MYH13: variants seen among roughly 807,000 people sequenced by gnomAD.
MYH13 encodes myosin-13.
In MYH13, 177 loss-of-function variants were observed where a neutral mutation model predicts 232.1. That is an observed-to-expected ratio of 0.76 (90% CI 0.67 to 0.86). The LOEUF (loss-of-function observed/expected upper bound fraction) is 0.86, where lower values mean the gene tolerates loss of function less well. Ranked by LOEUF, MYH13 falls within the 40% of genes least tolerant of loss-of-function variation. The pLI is 0.00. For missense variants in MYH13, 2,246 were observed against 2,405.9 expected (o/e 0.93, Z 1.39); for synonymous variants, 884 against 923.5 (o/e 0.96, Z 0.78).
At chr17:10,301,430 T>A (rs1393146756) in intron 40 of MYH13, 139 bp downstream of exon 40, 1 of 1,316,016 alleles carries the variant, frequency 7.6e-7, no homozygotes, top group Non-Finnish European at 1.1e-6. Flanking sequence ...ACATCTCAGG[T>A]ACCTGCTCTT....
chr17:10,329,552 G>A (rs1210725864), intron 21 of MYH13, among the ~76,000 whole-genome samples: 1 of 152,186 alleles, frequency 6.6e-6, no homozygotes, highest in Non-Finnish European at 1.5e-5. Context: ...ATGACAGGGT[G>A]CAGCCTGGGT....
intron 2 of MYH13, among the ~76,000 whole-genome samples, chr17:10,370,500 T>G (rs971831143): frequency 1.3e-5 from 2 of 152,282 alleles, no homozygotes; most frequent in Admixed American, 6.5e-5. Context: ...ACCACTCTGT[T>G]CCTGTCTTTA....
chr17:10,301,036 G>T, intron 40 of MYH13, 71 bp from the exon 41 acceptor site: 1 of 1,386,082 alleles, frequency 7.2e-7, no homozygotes, highest in Non-Finnish European at 1.0e-6. Context: ...TCATCTTGAA[G>T]TGAAGCAGCT....
chr17:10,356,885 T>A (rs1597388574), intron 8 of MYH13, among the ~76,000 whole-genome samples: 2 of 152,232 alleles, frequency 1.3e-5, no homozygotes, highest in East Asian at 3.8e-4. Flanking sequence ...AATGTCTTTT[T>A]GATTAAGCCA....
At position 10,312,724 on chromosome 17, in the gene MYH13, C is replaced by T; in HGVS notation, c.4215G>A (p.Glu1405=). 1 of 1,613,544 alleles carries T rather than the reference C, an allele frequency of 6.2e-7. No homozygotes were observed. The highest frequency in any genetic ancestry group is 1.1e-5 in the South Asian group (1 of 90,926). ...KKLAQRLQEA[E]ENTETANSKC... ...TGGAGTTCGCCGTCTCCGTGTTCTC[C>T]TCTGCTTCCTGGAGCCTCTGGGCCA... The change falls in exon 31 of 41, where the codon GAG becomes GAA. Residue 1405 remains glutamate (E), a synonymous_variant. Transcript: ENST00000252172.
At chr17:10,338,080 T>C (rs2071590082) in intron 18 of MYH13, among the ~76,000 whole-genome samples, 1 of 151,938 alleles carries the variant, frequency 6.6e-6, no homozygotes, top group Admixed American at 6.6e-5. Context: ...AGCCAGTGGA[T>C]TACCAAAAGC....
At chr17:10,309,151 G>C in intron 35 of MYH13, 83 bp downstream of exon 35, 1 of 1,387,276 alleles carries the variant, frequency 7.2e-7, no homozygotes, top group Non-Finnish European at 9.7e-7. Context: ...CTGAGTGGAG[G>C]GATAGCGGAA....
At chr17:10,318,334 G>A (rs966514562) in intron 27 of MYH13, among the ~76,000 whole-genome samples, 3 of 152,182 alleles carry the variant, frequency 2.0e-5, no homozygotes, top group African/African-American at 7.2e-5. Flanking sequence ...CAGTCCAGTG[G>A]TGTTGGGGGG....
At chr17:10,366,671 A>G (rs951921867) in intron 2 of MYH13, among the ~76,000 whole-genome samples, 15 of 152,120 alleles carry the variant, frequency 9.9e-5, no homozygotes, top group African/African-American at 3.1e-4. Flanking sequence ...GTAAGCCTCC[A>G]TGCCCCGCCT....
At chr17:10,362,000 A>G (rs994096392) in intron 5 of MYH13, 118 bp downstream of exon 5, 2 of 1,586,050 alleles carry the variant, frequency 1.3e-6, no homozygotes, top group South Asian at 1.1e-5. Flanking sequence ...TCCCCAAATC[A>G]TCTGACTCTC....
chr17:10,329,438 C>T (rs1477763537), intron 21 of MYH13, among the ~76,000 whole-genome samples: 1 of 152,272 alleles, frequency 6.6e-6, no homozygotes, highest in African/African-American at 2.4e-5. Flanking sequence ...TTCTACCACA[C>T]TGTGGCCTTG....
chr17:10,345,269 T>G lies in MYH13; in HGVS notation c.1517A>C (p.Glu506Ala), dbSNP rs776365416. 1.2e-6 allele frequency: 2 copies of G among 1,614,204 alleles called. No homozygotes were observed. Among genetic ancestry groups the G allele is most frequent in the Non-Finnish European group, 1.7e-6 (2 of 1,180,034 alleles). The change falls in exon 15 of 41, where the codon GAA becomes GCA. Residue 506 changes from glutamate to alanine, a missense_variant. Coordinates refer to ENST00000252172, the MANE Select transcript of MYH13 (RefSeq NM_003802.3). Reference protein sequence around the residue: ...FVLEQEEYKKEGIEWEFIDFG... With the variant: ...FVLEQEEYKKAGIEWEFIDFG... The stretch of plus-strand genomic sequence containing the variant: ...GTCAATGAACTCCCACTCGATGCCT[T>G]CCTTCTTGTACTCTTCCTGCTCCAG...
rs778534578 is a variant in MYH13 at position 10,321,715 on chromosome 17, C to T, written c.2935-7G>A. 1.9e-6 allele frequency: 3 copies of T among 1,608,872 alleles called. No homozygotes were observed. The highest frequency in any genetic ancestry group is 2.5e-6 in the Non-Finnish European group (3 of 1,176,866). On this transcript the variant is annotated splice_polypyrimidine_tract_variant and splice_region_variant and intron_variant, in intron 23 of 40. Coordinates refer to ENST00000252172, the MANE Select transcript of MYH13 (RefSeq NM_003802.3). Reference sequence around the variant, plus strand: ...CTTCGGAAAGATTCTTTACCTGGGACAATATTAACACCGATTTAATATGGA... The same window carrying T: ...CTTCGGAAAGATTCTTTACCTGGGATAATATTAACACCGATTTAATATGGA...
chr17:10,317,869 TA>T (rs1906773301), intron 27 of MYH13: 1 of 152,232 alleles, frequency 6.6e-6, no homozygotes, highest in Non-Finnish European at 1.5e-5. Context: ...GTCTTCAAGG[TA>T]ACCTGCGACT....
At position 10,312,656 on chromosome 17, in the gene MYH13, T is replaced by C; in HGVS notation, c.4283A>G (p.Glu1428Gly). The change falls in exon 31 of 41, where the codon GAG becomes GGG. Residue 1428 changes from glutamate to glycine, a missense_variant. Coordinates refer to ENST00000252172, the MANE Select transcript of MYH13 (RefSeq NM_003802.3). The part of the protein sequence containing the change: ...LEKTKQRLQG[E>G]VEDLMRDLER... ...CAGATCCCGCATCAGATCCTCCACC[T>C]CTCCCTGCAGCCTCTGCTTGGTTTT... The C allele has an allele frequency of 6.2e-7, 1 of 1,613,354 alleles. No individual in the cohort carries two copies. The highest frequency in any genetic ancestry group is 1.1e-5 in the South Asian group (1 of 90,854).
At chr17:10,351,040 C>T (rs9893067) in intron 11 of MYH13, among the ~76,000 whole-genome samples, 97,514 of 151,160 alleles carry the variant, frequency 0.65, 32,063 homozygotes, top group East Asian at 0.78. Context: ...GCCAACATGG[C>T]GACGCTCCAT....
intron 35 of MYH13, among the ~76,000 whole-genome samples, chr17:10,307,288 T>C (rs1206307018): frequency 6.6e-6 from 1 of 152,182 alleles, no homozygotes; most frequent in East Asian, 1.9e-4. Context: ...ATTCAGTAAA[T>C]GATAAAAGTA....
intron 5 of MYH13, among the ~76,000 whole-genome samples, chr17:10,361,350 G>C (rs1192243498): frequency 4.0e-5 from 6 of 149,344 alleles, no homozygotes; most frequent in Admixed American, 2.7e-4. Context: ...GAAGTGCAGT[G>C]GCGAGATCTC....
In MYH13 at chr17:10,324,089, C is replaced by G; in HGVS notation, c.2867G>C (p.Arg956Thr). 7.4e-6 allele frequency: 12 copies of G among 1,613,992 alleles called. No homozygotes were observed. The highest frequency in any genetic ancestry group is 1.0e-5 in the Non-Finnish European group (12 of 1,179,942). ...GGTCAGCTCCAGGTCATCAATGTCT[C>G]TCTTGAGAGAGGAGCATTTATCTTC... Reference protein sequence around the residue: ...NLEDKCSSLKRDIDDLELTLT... With the variant: ...NLEDKCSSLKTDIDDLELTLT... The change falls in exon 23 of 41, where the codon AGA becomes ACA. Residue 956 changes from arginine (R) to threonine (T), a missense_variant. Coordinates refer to ENST00000252172, the MANE Select transcript of MYH13 (RefSeq NM_003802.3).
Sources: allele counts gnomAD v4.1 joint callset (sites outside exome capture counted in the v4.1 genomes callset), GRCh38; gene constraint gnomAD v4.1.1; transcripts MANE v1.5; gene names NCBI Gene and HGNC (gene_info 2026-07-23, HGNC 2026-07-21).